The following TENM1 variants were observed in gnomAD, a reference collection of about 807,000 sequenced individuals.
TENM1 encodes the protein teneurin transmembrane protein 1.
In TENM1, 35 loss-of-function variants were observed where a neutral mutation model predicts 174.8. That is an observed-to-expected ratio of 0.20 (90% confidence interval 0.15 to 0.27). The LOEUF (loss-of-function observed/expected upper bound fraction) is 0.27, where lower values mean the gene tolerates loss of function less well. Among genes scored for constraint, TENM1 ranks in the 10% least tolerant of loss-of-function variants. The pLI is 1.00. For synonymous variants in TENM1, 781 were observed against 798.7 expected, an observed-to-expected ratio of 0.98 and a Z score of 0.37; for missense variants, 1,633 against 2,130.1, an observed-to-expected ratio of 0.77 and a Z score of 4.59.
the TENM1 span, among the ~76,000 whole-genome samples, chrX:125,052,420 G>A: frequency 1.8e-5 from 2 of 111,677 alleles, no homozygotes; most frequent in Non-Finnish European, 3.8e-5. Context: ...AATTAACAAA[G>A]TAATTGGATG....
the TENM1 span, among the ~76,000 whole-genome samples, chrX:125,029,382 A>G: frequency 8.9e-6 from 1 of 111,999 alleles, no homozygotes; most frequent in South Asian, 3.8e-4. Context: ...CTCCAGAGGA[A>G]GATATCCCAT....
At chrX:124,751,685 C>G (rs2035781774) in intron 3 of TENM1, among the ~76,000 whole-genome samples, 1 of 86,297 alleles carries the variant, frequency 1.2e-5, no homozygotes, top group Non-Finnish European at 2.2e-5. Flanking sequence ...TGTTCCCCTT[C>G]CTGTGTCCAT....
At chrX:124,733,236 C>A (rs1388459230) in intron 4 of TENM1, among the ~76,000 whole-genome samples, 1 of 111,847 alleles carries the variant, frequency 8.9e-6, no homozygotes, top group African/African-American at 3.3e-5. Context: ...TTCTGTGAGA[C>A]CCTAAAATTA....
intron 10 of TENM1, among the ~76,000 whole-genome samples, chrX:124,642,384 C>T (rs376252858): frequency 8.9e-6 from 1 of 112,064 alleles, no homozygotes; most frequent in Non-Finnish European, 1.9e-5. Flanking sequence ...AAAATGGAAG[C>T]GATAGCTCCC....
chrX:124,959,230 C>T (rs1006969391), intron 1 of TENM1, among the ~76,000 whole-genome samples: 2 of 111,441 alleles, frequency 1.8e-5, no homozygotes, highest in Non-Finnish European at 3.8e-5. Context: ...ATTAGGCCCA[C>T]TATTTCGCCT....
chrX:124,567,734 C>T (rs1047767790), intron 11 of TENM1, among the ~76,000 whole-genome samples: 8 of 111,264 alleles, frequency 7.2e-5, no homozygotes, highest in Non-Finnish European at 9.4e-5. Context: ...CCCCTGGTCC[C>T]GAATCTTGGT....
chrX:124,516,256 C>A (rs1170350253), intron 18 of TENM1, among the ~76,000 whole-genome samples: 2 of 111,808 alleles, frequency 1.8e-5, no homozygotes, highest in African/African-American at 6.5e-5. Flanking sequence ...CCCTGGAAGA[C>A]AATCTAGGTA....
intron 6 of TENM1, 58 bp downstream of exon 9, chrX:124,671,625 T>C: frequency 8.9e-7 from 1 of 1,127,197 alleles, no homozygotes; most frequent in African/African-American, 1.8e-5. Context: ...CCAGCTACAG[T>C]TCTAATGACC....
intron 3 of TENM1, among the ~76,000 whole-genome samples, chrX:124,797,264 C>G (rs745853624): frequency 2.7e-5 from 3 of 111,795 alleles, no homozygotes; most frequent in African/African-American, 6.5e-5. Context: ...CTGGCTTTCT[C>G]TCTTCAATCA....
the TENM1 span, among the ~76,000 whole-genome samples, chrX:125,006,552 G>A: frequency 8.9e-6 from 1 of 111,982 alleles, no homozygotes; most frequent in Non-Finnish European, 1.9e-5. Flanking sequence ...TGGGTCCCTG[G>A]CCCCATGCCT....
chrX:125,174,217 T>C, the TENM1 span, among the ~76,000 whole-genome samples: 378 of 111,207 alleles, frequency 3.4e-3, 2 homozygotes, highest in African/African-American at 0.012. Context: ...TGGCAAGAGG[T>C]TGGAGACATG....
chrX:125,030,723 A>G, the TENM1 span, among the ~76,000 whole-genome samples: 1 of 112,115 alleles, frequency 8.9e-6, no homozygotes, highest in Admixed American at 9.5e-5. Flanking sequence ...CTAAATGTTA[A>G]AATAGTTTAA....
At chrX:124,622,099 C>T (rs2050533165) in intron 11 of TENM1, among the ~76,000 whole-genome samples, 1 of 111,893 alleles carries the variant, frequency 8.9e-6, no homozygotes, top group Admixed American at 9.5e-5. Flanking sequence ...AGCTACATGT[C>T]TCAGAAATTA....
chrX:124,567,044 A>G (rs948838239), intron 11 of TENM1, among the ~76,000 whole-genome samples: 1 of 112,084 alleles, frequency 8.9e-6, no homozygotes, highest in African/African-American at 3.2e-5. Context: ...AAAGGGAAAA[A>G]TAAAAGTTTG....
chrX:124,448,268 G>C (rs1365201118), intron 23 of TENM1, among the ~76,000 whole-genome samples: 1 of 111,903 alleles, frequency 8.9e-6, no homozygotes, highest in Non-Finnish European at 1.9e-5. Flanking sequence ...GTATCCCAAA[G>C]AAATATCAGC....
chrX:124,529,746 G>T, intron 16 of TENM1, 118 bp downstream of exon 19: 1 of 945,347 alleles, frequency 1.1e-6, no homozygotes, highest in Non-Finnish European at 1.5e-6. Flanking sequence ...ATGACTTTTT[G>T]AGATATAACT....
At chrX:124,941,081 C>T (rs1258503401) in intron 1 of TENM1, among the ~76,000 whole-genome samples, 4 of 111,049 alleles carry the variant, frequency 3.6e-5, no homozygotes, top group African/African-American at 1.3e-4. Flanking sequence ...TAGCTATTGC[C>T]CCTCTCTCCT....
intron 14 of TENM1, among the ~76,000 whole-genome samples, chrX:124,557,789 A>C (rs1411395295): frequency 9.0e-6 from 1 of 111,680 alleles, no homozygotes; most frequent in African/African-American, 3.3e-5. Context: ...TCTATCTTTC[A>C]CTATTGTTTG....
chrX:124,807,237 G>C, intron 3 of TENM1, among the ~76,000 whole-genome samples: 1 of 111,920 alleles, frequency 8.9e-6, no homozygotes, highest in Non-Finnish European at 1.9e-5. Flanking sequence ...CAACATTGGG[G>C]ATTACATTTC....
Sources: gnomAD v4.1 joint callset for allele counts (sites outside exome capture counted in the v4.1 genomes callset) on GRCh38, gnomAD v4.1.1 for gene constraint, MANE v1.5 for transcripts, NCBI Gene and HGNC (gene_info 2026-07-23, HGNC 2026-07-21) for gene names.